RTTN: variants seen among roughly 807,000 people sequenced by gnomAD.
The protein encoded by RTTN is rotatin.
RTTN carries 182 observed loss-of-function variants against 269.2 expected under a neutral mutation model. That is an observed-to-expected ratio of 0.68 (90% confidence interval 0.60 to 0.76). RTTN has a LOEUF of 0.76. Among genes scored for constraint, RTTN ranks in the 30% least tolerant of loss-of-function variants. The pLI, the probability that RTTN is intolerant of heterozygous loss-of-function variation, is 0.00. For synonymous variants in RTTN, 1,006 were observed against 963.5 expected (o/e 1.04, Z -0.82); for missense variants, 2,545 against 2,608.6 (o/e 0.98, Z 0.53).
At position 70,128,417 on chromosome 18, in the gene RTTN, T is replaced by A. The variant is rs764877763; in HGVS notation, c.3084A>T (p.Ser1028=). 1 of 1,613,328 alleles carries A rather than the reference T, an allele frequency of 6.2e-7. No homozygotes were observed. The highest frequency in any genetic ancestry group is 1.1e-5 in the South Asian group (1 of 91,044). ...SDMLRIAWNL[S]WYHGSDNLLK... ...ACAGATTATCACTCCCATGATACCA[T>A]GACAGGTTCCAAGCTATTCTCAGCA... is the stretch of plus-strand genomic sequence containing the variant. Residue 1028 remains serine, a synonymous_variant, in exon 24 of 49, where the codon TCA becomes TCT. Transcript: ENST00000640769.
chr18:70,052,922 C>A (rs2057715502), intron 38 of RTTN, among the ~76,000 whole-genome samples: 1 of 152,056 alleles, frequency 6.6e-6, no homozygotes, highest in Non-Finnish European at 1.5e-5. Context: ...GGTTAAACAA[C>A]TTTTATGTAA....
intron 9 of RTTN, among the ~76,000 whole-genome samples, chr18:70,190,333 G>C (rs2146090895): frequency 6.6e-6 from 1 of 151,530 alleles, no homozygotes; most frequent in Non-Finnish European, 1.5e-5. Context: ...TAAAATGGAA[G>C]GGCAAGCTGA....
intron 40 of RTTN, among the ~76,000 whole-genome samples, chr18:70,034,558 G>A (rs2057114203): frequency 1.3e-5 from 2 of 152,146 alleles, no homozygotes; most frequent in South Asian, 4.2e-4. Flanking sequence ...AATAACGAGA[G>A]CCATCTATGA....
chr18:70,104,458 T>C (rs2059265747), intron 28 of RTTN, among the ~76,000 whole-genome samples: 1 of 152,186 alleles, frequency 6.6e-6, no homozygotes, highest in South Asian at 2.1e-4. Context: ...TTGGAGAAGT[T>C]TGTTATTACC....
chr18:70,110,218 G>C (rs936156462), intron 27 of RTTN, among the ~76,000 whole-genome samples: 4 of 150,482 alleles, frequency 2.7e-5, no homozygotes, highest in African/African-American at 7.3e-5. Context: ...GTGACATAGT[G>C]AGACCCCCAT....
At chr18:70,164,292 A>ACCTTGCCCTC (rs1599858455) in intron 14 of RTTN, among the ~76,000 whole-genome samples, 1 of 149,694 alleles carries the variant, frequency 6.7e-6, no homozygotes, top group Non-Finnish European at 1.5e-5. Flanking sequence ...AGCTCTCTGT[A>ACCTTGCCCTC]CCTTGACCTC....
chr18:70,018,435 A>G (rs2056605499), intron 45 of RTTN, among the ~76,000 whole-genome samples: 1 of 152,228 alleles, frequency 6.6e-6, no homozygotes, highest in East Asian at 1.9e-4. Flanking sequence ...TTAGGTGGAC[A>G]TTTTAGAAAT....
chr18:70,003,668 A>G lies in RTTN; in HGVS notation c.*483T>C, dbSNP rs2056096904. ...GAAAGTTTTGAAAATAAGGATTTGC[A>G]CTGACAGAGCCAAATTTTACATCAG... On this transcript the variant is annotated 3_prime_UTR_variant, in exon 49 of 49. Coordinates refer to ENST00000640769, the MANE Select transcript of RTTN (RefSeq NM_173630.4). 1 of 152,354 alleles carries G rather than the reference A, an allele frequency of 6.6e-6. No homozygotes were observed. Among genetic ancestry groups the G allele is most frequent in the African/African-American group, 2.4e-5 (1 of 41,440 alleles). The allele number at this position is 152,354 out of a possible 1,614,324, so 9.4% of individuals were successfully genotyped here. A position where few individuals can be genotyped will look rare whatever the true frequency, so the allele number is the denominator to read the frequency against.
At position 70,202,239 on chromosome 18, in the gene RTTN, C is replaced by T. The variant is rs575828855; in HGVS notation, c.398-256G>A. ...ACACAGTTATTTGTTAGAATGTACA[C>T]GAAGAATCTGCTACAAAGTATTCAA... On this transcript the variant is annotated intron_variant, in intron 3 of 48. Transcript: ENST00000640769. Among the ~76,000 whole-genome samples, 139 of 152,284 alleles carry T rather than the reference C, an allele frequency of 9.1e-4. 2 individuals carry two copies. The highest frequency in any genetic ancestry group is 2.1e-3 in the South Asian group (10 of 4,822).
At chr18:70,009,469 C>A (rs764666083) in intron 46 of RTTN, among the ~76,000 whole-genome samples, 1 of 152,064 alleles carries the variant, frequency 6.6e-6, no homozygotes, top group Non-Finnish European at 1.5e-5. Context: ...AAATTCATAT[C>A]CAGCCATACT....
intron 10 of RTTN, among the ~76,000 whole-genome samples, chr18:70,179,213 A>AG (rs1410971331): frequency 1.3e-5 from 2 of 152,204 alleles, no homozygotes; most frequent in African/African-American, 4.8e-5. Flanking sequence ...CTACTGGTCT[A>AG]GAGAAAACAA....
chr18:70,092,573 G>C, intron 29 of RTTN, 103 bp downstream of exon 29: 1 of 1,320,402 alleles, frequency 7.6e-7, no homozygotes, highest in Non-Finnish European at 1.0e-6. Context: ...AAAGTCAAAA[G>C]AGACATTTTC....
intron 33 of RTTN, 35 bp from the exon 34 acceptor site, chr18:70,074,029 C>A: frequency 7.5e-7 from 1 of 1,341,638 alleles, no homozygotes; most frequent in South Asian, 1.2e-5. Flanking sequence ...CATGGACACC[C>A]TCCTAGGAAC....
chr18:70,168,745 G>A, intron 12 of RTTN, 110 bp downstream of exon 12: 3 of 776,572 alleles, frequency 3.9e-6, no homozygotes, highest in Non-Finnish European at 6.3e-6. Flanking sequence ...CAGGAATAAT[G>A]TATCCCACCT....
chr18:70,081,807 T>A (rs1599434741), intron 32 of RTTN, among the ~76,000 whole-genome samples: 1 of 151,976 alleles, frequency 6.6e-6, no homozygotes, highest in African/African-American at 2.4e-5. Context: ...AAAACAGCAG[T>A]GGGACAACTG....
In RTTN at chr18:70,201,793, A is replaced by G. The variant is rs1361248526; in HGVS notation, c.487+101T>C. On this transcript the variant is annotated intron_variant, in intron 4 of 48. Coordinates refer to ENST00000640769, the MANE Select transcript of RTTN (RefSeq NM_173630.4). Reference sequence around the variant, plus strand: ...CATTTAATGATAGTTTGGTGCTGAAACATTCAAGTTTGGTAAAAATACATC... The same window carrying G: ...CATTTAATGATAGTTTGGTGCTGAAGCATTCAAGTTTGGTAAAAATACATC... The G allele has an allele frequency of 4.4e-6, 3 of 683,394 alleles. No individual in the cohort carries two copies. In the East Asian group the frequency reaches 8.1e-5, roughly 18 times the overall value. 42.3% of individuals were successfully genotyped at this position (683,394 alleles called of 1,614,324 possible).
At chr18:70,098,155 C>T (rs546410324) in intron 28 of RTTN, among the ~76,000 whole-genome samples, 2 of 152,188 alleles carry the variant, frequency 1.3e-5, no homozygotes, top group African/African-American at 2.4e-5. Context: ...CACAAGTAAA[C>T]TCATGAGAAC....
At chr18:70,086,177 T>G (rs2058693949) in intron 32 of RTTN, among the ~76,000 whole-genome samples, 2 of 152,130 alleles carry the variant, frequency 1.3e-5, no homozygotes, top group South Asian at 4.1e-4. Flanking sequence ...ATTACTAAAT[T>G]AGAGAAGTAA....
intron 10 of RTTN, among the ~76,000 whole-genome samples, chr18:70,182,530 G>A (rs1391269458): frequency 6.6e-6 from 1 of 152,118 alleles, no homozygotes; most frequent in African/African-American, 2.4e-5. Flanking sequence ...AAAGGGAGAG[G>A]AAGGAAGACC....
Sources: gnomAD v4.1 joint callset for allele counts (sites outside exome capture counted in the v4.1 genomes callset) on GRCh38, gnomAD v4.1.1 for gene constraint, MANE v1.5 for transcripts, NCBI Gene and HGNC (gene_info 2026-07-23, HGNC 2026-07-21) for gene names.